NAIP: variants seen among roughly 807,000 people sequenced by gnomAD.
The protein encoded by NAIP is baculoviral IAP repeat-containing protein 1.
A neutral mutation model predicts 23.0 loss-of-function variants in NAIP; 15 were observed. The observed-to-expected ratio is 0.65, with a 90% CI of 0.44 to 1.00. NAIP has a LOEUF of 1.00. Among genes scored for constraint, NAIP ranks in the 50% least tolerant of loss-of-function variants. The pLI, the probability that NAIP is intolerant of heterozygous loss-of-function variation, is 0.00. For missense variants in NAIP, 265 were observed against 278.8 expected (o/e 0.95, Z 0.35); for synonymous variants, 100 against 100.2 (o/e 1.00, Z 0.01).
rs1490817163 is a variant in NAIP, at chr5:71,013,025, T to G, written c.-3-107A>C. 1.4e-5 allele frequency: 14 copies of G among 1,015,380 alleles called. No homozygotes were observed. The Admixed American group carries it at 3.8e-4, about 28-fold the overall frequency. The allele number at this position is 1,015,380 out of a possible 1,614,324, so 62.9% of individuals were successfully genotyped here. A position where few individuals can be genotyped will look rare whatever the true frequency, so the allele number is the denominator to read the frequency against. ...CAGGAATTAAAGGAATGCCTGGAAT[T>G]TCAACACAAAAGATAAATTGTTGGA... On this transcript the variant is annotated intron_variant, in intron 3 of 16. Coordinates refer to ENST00000517649, the MANE Select transcript of NAIP (RefSeq NM_004536.3).
At chr5:70,972,843 TAAG>T (rs1337586433) in intron 16 of NAIP, among the ~76,000 whole-genome samples, 3 of 70,024 alleles carry the variant, frequency 4.3e-5, no homozygotes, top group African/African-American at 1.1e-4. Flanking sequence ...TTCTTCCTCA[TAAG>T]GAGGAAGAAA....
Sources: allele counts gnomAD v4.1 joint callset (sites outside exome capture counted in the v4.1 genomes callset), GRCh38; gene constraint gnomAD v4.1.1; transcripts MANE v1.5; gene names NCBI Gene and HGNC (gene_info 2026-07-23, HGNC 2026-07-21).